TPP2: variants seen among roughly 807,000 people sequenced by gnomAD.
TPP2 encodes tripeptidyl peptidase 2, also known as tripeptidyl-peptidase 2.
A neutral mutation model predicts 155.9 loss-of-function variants in TPP2; 34 were observed. The ratio of observed to expected loss-of-function variants is 0.22; its 90% confidence interval spans 0.17 to 0.29. TPP2 has a LOEUF of 0.29. Ranked by LOEUF, TPP2 falls within the 10% of genes least tolerant of loss-of-function variation. TPP2 has a pLI of 1.00. For missense variants in TPP2, 1,028 were observed against 1,522.3 expected (o/e 0.68, Z 5.40); for synonymous variants, 510 against 529.4 (o/e 0.96, Z 0.50).
chr13:102,623,599 A>G (rs550560576), intron 6 of TPP2, among the ~76,000 whole-genome samples: 1 of 152,384 alleles, frequency 6.6e-6, no homozygotes, highest in South Asian at 2.1e-4. Flanking sequence ...TCTCATGAAC[A>G]GCAATTTTGC....
intron 24 of TPP2, among the ~76,000 whole-genome samples, chr13:102,653,678 G>A (rs555995475): frequency 9.0e-4 from 137 of 152,314 alleles, no homozygotes; most frequent in African/African-American, 3.2e-3. Flanking sequence ...TTACAGACAT[G>A]AGCCACTGCA....
At chr13:102,619,023 G>A (rs745457820) in intron 5 of TPP2, among the ~76,000 whole-genome samples, 177 bp downstream of exon 5, 3 of 152,124 alleles carry the variant, frequency 2.0e-5, no homozygotes, top group Non-Finnish European at 4.4e-5. Flanking sequence ...TGAACTTCTA[G>A]TTATAATTAT....
At position 102,637,179 on chromosome 13, in the gene TPP2, T is replaced by C. The variant is rs1460431370; in HGVS notation, c.1776T>C (p.Cys592=). 1 of 1,612,670 alleles carries C rather than the reference T, an allele frequency of 6.2e-7. No individual in the cohort carries two copies. Among genetic ancestry groups the C allele is most frequent in the Non-Finnish European group, 8.5e-7 (1 of 1,179,826 alleles). ...CPSHLELMNQ[C]RHINIRVDPR... ...GCCATTTGGAACTCATGAATCAATGTAGACACATAAACATACGTGTGGATC... is the reference window on the plus strand; with the variant it reads ...GCCATTTGGAACTCATGAATCAATGCAGACACATAAACATACGTGTGGATC... Residue 592 remains cysteine (C), a synonymous_variant, in exon 14 of 30, where the codon TGT becomes TGC. Coordinates refer to ENST00000376052, the MANE Select transcript of TPP2 (RefSeq NM_001330588.2).
Position 102,645,028 on chromosome 13 carries a change from G to A in TPP2, c.2393+19G>A. On this transcript the variant is annotated intron_variant, in intron 19 of 29. Transcript: ENST00000376052. Reference sequence around the variant, plus strand: ...CACTGCGGTATCATTCAATGTTTTAGGAACTACAGATATTGAATATAGATT... The same window carrying A: ...CACTGCGGTATCATTCAATGTTTTAAGAACTACAGATATTGAATATAGATT... 1 of 1,605,786 alleles carries A rather than the reference G, an allele frequency of 6.2e-7. No homozygotes were observed. The highest frequency in any genetic ancestry group is 8.5e-7 in the Non-Finnish European group (1 of 1,173,850).
intron 25 of TPP2, among the ~76,000 whole-genome samples, chr13:102,662,640 T>G (rs1308571048): frequency 6.6e-6 from 1 of 152,212 alleles, no homozygotes; most frequent in African/African-American, 2.4e-5. Context: ...TAAGAATTAG[T>G]GTAAATTTTG....
intron 12 of TPP2, 34 bp from the exon 13 acceptor site, chr13:102,636,190 A>G: frequency 7.7e-6 from 12 of 1,554,126 alleles, no homozygotes; most frequent in Non-Finnish European, 1.0e-5. Context: ...TGACCCAACC[A>G]TTTATATCTT....
In TPP2 at chr13:102,634,027, G is replaced by A. The variant is rs1162314920; in HGVS notation, c.1322G>A (p.Gly441Glu). ...TCTGTTCCTAACTGGACACTGAGAG[G>A]GACGCAGCTGATGAATGGAACATCT... ...IASVPNWTLRGTQLMNGTSMS... is the reference protein window; with the variant it reads ...IASVPNWTLRETQLMNGTSMS... The change falls in exon 11 of 30, where the codon GGG (glycine) becomes GAG (glutamate). Residue 441 changes from glycine (G) to glutamate (E), a missense_variant. Physicochemically the swap from Gly to Glu is moderately conservative, Grantham distance 98. Transcript: ENST00000376052. 6.2e-7 allele frequency: 1 copy of A among 1,613,976 alleles called. No individual in the cohort carries two copies. Among genetic ancestry groups the A allele is most frequent in the African/African-American group, 1.3e-5 (1 of 74,888 alleles).
rs775229591 is a variant in TPP2, at chr13:102,664,849, C to T, written c.3295C>T (p.His1099Tyr). Residue 1099 changes from histidine (H) to tyrosine (Y), a missense_variant, in exon 27 of 30, where the codon CAT (histidine) becomes TAT (tyrosine). His to Tyr is a moderately conservative substitution (Grantham distance 83). Coordinates refer to ENST00000376052, the MANE Select transcript of TPP2 (RefSeq NM_001330588.2). ...TGATGCGGCAAATGCTGTTATTTCT[C>T]ATATAGATCAAACAGCCCTAGCAGT... Reference protein sequence around the residue: ...IVDAANAVISHIDQTALAVYI... With the variant: ...IVDAANAVISYIDQTALAVYI... 3 of 1,613,658 alleles carry T rather than the reference C, an allele frequency of 1.9e-6. No homozygotes were observed. Among genetic ancestry groups the T allele is most frequent in the South Asian group, 1.1e-5 (1 of 91,038 alleles).
At chr13:102,612,637 T>C (rs1174651575) in intron 2 of TPP2, among the ~76,000 whole-genome samples, 3 of 152,204 alleles carry the variant, frequency 2.0e-5, no homozygotes, top group African/African-American at 4.8e-5. Context: ...ATTATAACTT[T>C]TATCTGATTT....
chr13:102,675,986 T>C (rs1351300774), intron 28 of TPP2, among the ~76,000 whole-genome samples: 2 of 152,194 alleles, frequency 1.3e-5, no homozygotes, highest in Non-Finnish European at 1.5e-5. Context: ...TCTATCCTGA[T>C]TTGCATCTTT....
At chr13:102,661,687 G>A (rs555380326) in intron 25 of TPP2, among the ~76,000 whole-genome samples, 17 of 152,164 alleles carry the variant, frequency 1.1e-4, no homozygotes, top group Admixed American at 7.8e-4. Context: ...GCTCAAAATC[G>A]TTAGTCTTCA....
chr13:102,660,631 T>A (rs927769637), intron 25 of TPP2, among the ~76,000 whole-genome samples: 4 of 152,192 alleles, frequency 2.6e-5, no homozygotes, highest in African/African-American at 9.7e-5. Context: ...ACAAGCTGAT[T>A]CTAAAAGTCA....
Position 102,622,965 on chromosome 13 carries a change from G to A in TPP2, c.709G>A (p.Gly237Ser), listed in dbSNP as rs749099403. Residue 237 changes from glycine to serine, a missense_variant, in exon 6 of 30, where the codon GGC becomes AGC. This residue lies in a region of TPP2 where 300 missense variants were observed against 398.3 expected (regional missense o/e 0.75). Transcript: ENST00000376052. Reference protein sequence around the residue: ...YKEAQEYGSFGTAEMLNYSVN... With the variant: ...YKEAQEYGSFSTAEMLNYSVN... ...AGAAGCCCAAGAATATGGCTCTTTT[G>A]GCACAGCTGAGATGTTGAATTACTC... 6.2e-7 allele frequency: 1 copy of A among 1,613,966 alleles called. No homozygotes were observed. Among genetic ancestry groups the A allele is most frequent in the Non-Finnish European group, 8.5e-7 (1 of 1,180,006 alleles).
intron 2 of TPP2, among the ~76,000 whole-genome samples, chr13:102,611,008 A>G (rs1880272967): frequency 6.6e-6 from 1 of 152,178 alleles, no homozygotes; most frequent in African/African-American, 2.4e-5. Flanking sequence ...CATAAAATAT[A>G]TTGTTTAGTT....
intron 27 of TPP2, among the ~76,000 whole-genome samples, chr13:102,670,842 C>A (rs616831): frequency 0.5 from 75,411 of 152,032 alleles, 19,091 homozygotes; most frequent in African/African-American, 0.6. Flanking sequence ...AATGTATCCA[C>A]GATATTTCTA....
intron 29 of TPP2, among the ~76,000 whole-genome samples, chr13:102,677,157 TCAC>T (rs1383429247): frequency 1.3e-5 from 2 of 152,234 alleles, no homozygotes; most frequent in Non-Finnish European, 2.9e-5. Context: ...TTGTTTACCT[TCAC>T]CAGTCAGTCC....
intron 7 of TPP2, 57 bp from the exon 8 acceptor site, chr13:102,627,791 T>A: frequency 7.8e-7 from 1 of 1,284,728 alleles, no homozygotes; most frequent in Non-Finnish European, 1.1e-6. Flanking sequence ...CTTATTTTAC[T>A]GGCTAATCTG....
rs374417683 is a variant in TPP2 at position 102,633,821 on chromosome 13, C to A, written c.1245-129C>A. 112 of 1,306,954 alleles carry A rather than the reference C, an allele frequency of 8.6e-5. No homozygotes were observed. In the East Asian group the frequency reaches 1.4e-3, roughly 16 times the overall value. The allele number at this position is 1,306,954 out of a possible 1,614,324, so 81.0% of individuals were successfully genotyped here. Reference sequence around the variant, plus strand: ...TGATTCTTCATAGTAGTATCTGTGTCACTATTTGTAATGAGTGCAGTTAGT... The same window carrying A: ...TGATTCTTCATAGTAGTATCTGTGTAACTATTTGTAATGAGTGCAGTTAGT... On this transcript the variant is annotated intron_variant, in intron 10 of 29. Transcript: ENST00000376052.
chr13:102,637,938 T>A (rs1370277101), intron 14 of TPP2, among the ~76,000 whole-genome samples: 1 of 152,230 alleles, frequency 6.6e-6, no homozygotes, highest in African/African-American at 2.4e-5. Context: ...CAACAGTATC[T>A]CCACATCTAA....
Sources: allele counts gnomAD v4.1 joint callset (sites outside exome capture counted in the v4.1 genomes callset), GRCh38; gene constraint gnomAD v4.1.1; regional missense constraint gnomAD v4.1.1; transcripts MANE v1.5; gene names NCBI Gene and HGNC (gene_info 2026-07-23, HGNC 2026-07-21).